PRKD1: variants seen among roughly 807,000 people sequenced by gnomAD.
PRKD1 encodes protein kinase D1.
Under a neutral mutation model 95.9 loss-of-function variants are expected in PRKD1, and 63 were observed. That is an observed-to-expected ratio of 0.66 (90% CI 0.54 to 0.81). PRKD1 has a LOEUF of 0.81. Ranked by LOEUF, PRKD1 falls within the 30% of genes least tolerant of loss-of-function variation. PRKD1 has a pLI of 0.00. For synonymous variants in PRKD1, 425 were observed against 423.1 expected (o/e 1.00, Z -0.05); for missense variants, 1,048 against 1,165.3 (o/e 0.90, Z 1.47).
In PRKD1 at chr14:29,636,373, C is replaced by A. The variant is rs1036795627; in HGVS notation, c.1107G>T (p.Glu369Asp). The change falls in exon 7 of 18, where the codon GAG (glutamate) becomes GAT (aspartate). Residue 369 changes from glutamate (E) to aspartate (D), a missense_variant. This residue lies in a region of PRKD1 where 739 missense variants were observed against 861.9 expected (regional missense o/e 0.86). Transcript: ENST00000331968. ...CGTTCTGGCACTCTGCCATTGCCAT[C>A]TCTGCATCTTGGACCATTGCTTCTT... ...DMEEAMVQDA[E>D]MAMAECQNDS... 1.9e-6 allele frequency: 3 copies of A among 1,614,078 alleles called. No homozygotes were observed. In the African/African-American group the frequency reaches 4.0e-5, roughly 22 times the overall value.
At chr14:29,772,685 C>T (rs1317368330) in intron 1 of PRKD1, among the ~76,000 whole-genome samples, 1 of 152,160 alleles carries the variant, frequency 6.6e-6, no homozygotes, top group African/African-American at 2.4e-5. Context: ...TGTTTCATGA[C>T]TGTACACATT....
intron 10 of PRKD1, among the ~76,000 whole-genome samples, chr14:29,630,004 CCTT>C (rs1879879528): frequency 1.5e-5 from 2 of 129,084 alleles, no homozygotes. Context: ...TTCTTCTTCT[CCTT>C]CTCCTTCTTC....
intron 1 of PRKD1, among the ~76,000 whole-genome samples, chr14:29,793,485 A>T (rs1294903546): frequency 6.6e-6 from 1 of 152,142 alleles, no homozygotes; most frequent in Non-Finnish European, 1.5e-5. Context: ...CAAATTCTGT[A>T]AAGAATATCA....
intron 2 of PRKD1, among the ~76,000 whole-genome samples, chr14:29,724,427 G>A (rs761851774): frequency 7.2e-5 from 11 of 152,074 alleles, no homozygotes; most frequent in African/African-American, 1.7e-4. Context: ...TGTCTAGTCC[G>A]TAGTTTTGAG....
In PRKD1 at chr14:29,675,938, T is replaced by G. The variant is rs541058715; in HGVS notation, c.404-9730A>C. ...GGTGGGAATTGAACAATGAGAACAC[T>G]TGGACACAGGAAGGGGAACATCACA... On this transcript the variant is annotated intron_variant, in intron 2 of 17. Transcript: ENST00000331968. Among the ~76,000 whole-genome samples, 50 of 134,138 alleles carry G rather than the reference T, an allele frequency of 3.7e-4. No homozygotes were observed. In the Admixed American group the frequency reaches 3.9e-3, roughly 10 times the overall value. The allele number at this position is 134,138 out of a possible 152,430, so 88.0% of individuals were successfully genotyped here. A position where few individuals can be genotyped will look rare whatever the true frequency, so the allele number is the denominator to read the frequency against.
chr14:29,821,091 CTT>C (rs1370558685), intron 1 of PRKD1, among the ~76,000 whole-genome samples: 1 of 152,150 alleles, frequency 6.6e-6, no homozygotes. Flanking sequence ...GTTCAAGAGA[CTT>C]TATAATTACA....
chr14:29,882,936 C>A (rs1266361383), intron 1 of PRKD1, among the ~76,000 whole-genome samples: 1 of 152,134 alleles, frequency 6.6e-6, no homozygotes, highest in Non-Finnish European at 1.5e-5. Flanking sequence ...GTTGCTTCGA[C>A]CCTTTGGCTA....
Position 29,663,831 on chromosome 14 carries a change from A to C in PRKD1, c.564T>G (p.Cys188Trp), listed in dbSNP as rs1482424585. 1 of 1,613,904 alleles carries C rather than the reference A, an allele frequency of 6.2e-7. No individual in the cohort carries two copies. Among genetic ancestry groups the C allele is most frequent in the East Asian group, 2.2e-5 (1 of 44,892 alleles). Residue 188 changes from cysteine to tryptophan, a missense_variant, in exon 4 of 18, where the codon TGT becomes TGG. Physicochemically the swap from Cys to Trp is radical, Grantham distance 215 (BLOSUM62 -2). This residue lies in a region of PRKD1 where 275 missense variants were observed against 248.6 expected (regional missense o/e 1.11). Transcript: ENST00000331968. ...TGCAATTGTTGGGTATTTTAAATGC[A>C]CATCTCTTATGGTAATTCAGACCAC... ...EGCGLNYHKR[C>W]AFKIPNNCSG...
chr14:29,676,177 G>GGTTTTTTT (rs1555334424), intron 2 of PRKD1, among the ~76,000 whole-genome samples: 42 of 104,744 alleles, frequency 4.0e-4, no homozygotes, highest in African/African-American at 1.7e-3. Context: ...AGTTCATTAC[G>GGTTTTTTT]TTTTTGTTTT....
chr14:29,643,980 A>T (rs188158643), intron 4 of PRKD1, among the ~76,000 whole-genome samples: 1 of 152,204 alleles, frequency 6.6e-6, no homozygotes, highest in Non-Finnish European at 1.5e-5. Context: ...ACACGCCAAC[A>T]TCTCTTTATG....
At chr14:29,697,825 CACGACT>C (rs1361153529) in intron 2 of PRKD1, among the ~76,000 whole-genome samples, 1 of 152,036 alleles carries the variant, frequency 6.6e-6, no homozygotes, top group Admixed American at 6.6e-5. Flanking sequence ...GTATAACTCC[CACGACT>C]TTCTGCTTTT....
chr14:29,645,857 C>A (rs941940760), intron 4 of PRKD1, among the ~76,000 whole-genome samples: 1 of 152,036 alleles, frequency 6.6e-6, no homozygotes, highest in East Asian at 1.9e-4. Context: ...TATTGCTTAC[C>A]CCCACTCCTT....
chr14:29,611,780 G>A (rs1324888775), intron 13 of PRKD1, among the ~76,000 whole-genome samples: 1 of 147,674 alleles, frequency 6.8e-6, no homozygotes, highest in Non-Finnish European at 1.5e-5. Flanking sequence ...GAATCTACAT[G>A]AAGCTGTTTA....
chr14:29,926,849 G>C (rs1357166105), intron 1 of PRKD1, among the ~76,000 whole-genome samples: 1 of 152,022 alleles, frequency 6.6e-6, no homozygotes, highest in Admixed American at 6.5e-5. Flanking sequence ...CTCTGGTGCA[G>C]GAAGGAGGAT....
chr14:29,634,632 T>A, intron 7 of PRKD1, 91 bp from the exon 8 acceptor site: 1 of 1,515,796 alleles, frequency 6.6e-7, no homozygotes. Context: ...CTAATCCAAG[T>A]GAAACTTTAC....
intron 2 of PRKD1, among the ~76,000 whole-genome samples, chr14:29,670,697 C>T (rs796827382): frequency 6.6e-5 from 10 of 152,248 alleles, no homozygotes; most frequent in African/African-American, 2.4e-4. Flanking sequence ...TTCTCCCTCC[C>T]CATCACCCAA....
intron 1 of PRKD1, among the ~76,000 whole-genome samples, chr14:29,729,417 G>A (rs938753038): frequency 6.6e-6 from 1 of 151,890 alleles, no homozygotes; most frequent in Non-Finnish European, 1.5e-5. Flanking sequence ...TTTCAGAAAG[G>A]TATCCATTTC....
chr14:29,768,217 A>G (rs1223011871), intron 1 of PRKD1, among the ~76,000 whole-genome samples: 1 of 152,190 alleles, frequency 6.6e-6, no homozygotes, highest in African/African-American at 2.4e-5. Context: ...ACATTTTTCC[A>G]TCTACTCTGT....
intron 1 of PRKD1, among the ~76,000 whole-genome samples, chr14:29,750,604 G>A (rs1887430801): frequency 6.8e-6 from 1 of 146,758 alleles, no homozygotes; most frequent in African/African-American, 2.7e-5. Flanking sequence ...ATCCCAGGAT[G>A]CATGAACGCG....
Sources: gnomAD v4.1 joint callset for allele counts (sites outside exome capture counted in the v4.1 genomes callset) on GRCh38, gnomAD v4.1.1 for gene constraint, gnomAD v4.1.1 regional missense constraint, MANE v1.5 for transcripts, NCBI Gene and HGNC (gene_info 2026-07-23, HGNC 2026-07-21) for gene names.